Variants in CNTN4 observed in about 807,000 individuals in gnomAD.
CNTN4 encodes the protein contactin-4.
A neutral mutation model predicts 122.5 loss-of-function variants in CNTN4; 77 were observed. The observed-to-expected ratio is 0.63, with a 90% CI of 0.52 to 0.76. CNTN4 has a LOEUF of 0.76. CNTN4 is among the 30% of genes least tolerant of loss of function. The probability of loss-of-function intolerance (pLI) is 0.00; values close to 1 mark genes in which losing one functional copy is unlikely to be tolerated. For synonymous variants in CNTN4, 512 were observed against 447.0 expected (o/e 1.15, Z -1.83); for missense variants, 1,256 against 1,259.1 (o/e 1.00, Z 0.04).
At chr3:2,116,754 T>TC (rs573263589) in intron 2 of CNTN4, among the ~76,000 whole-genome samples, 1 of 152,056 alleles carries the variant, frequency 6.6e-6, no homozygotes, top group Non-Finnish European at 1.5e-5. Flanking sequence ...TGCTTCTCTA[T>TC]CCCCCCTGCC....
intron 14 of CNTN4, among the ~76,000 whole-genome samples, chr3:2,992,857 TGCCACCTAGCAA>T (rs543130962): frequency 6.9e-4 from 105 of 152,188 alleles, no homozygotes; most frequent in Non-Finnish European, 1.4e-3. Flanking sequence ...CGTACATGCA[TGCCACCTAGCAA>T]GTGACAGTTC....
intron 2 of CNTN4, among the ~76,000 whole-genome samples, chr3:2,261,416 G>T (rs908762233): frequency 3.3e-5 from 5 of 152,126 alleles, no homozygotes; most frequent in African/African-American, 9.7e-5. Context: ...TGTCCAGCCA[G>T]CTGGTATTCA....
intron 3 of CNTN4, among the ~76,000 whole-genome samples, chr3:2,508,072 C>G (rs1356032202): frequency 2.6e-5 from 4 of 152,088 alleles, no homozygotes; most frequent in Admixed American, 2.6e-4. Context: ...TGACCCTGGT[C>G]TCTGGGTCAT....
chr3:2,327,575 A>C (rs1386485911), intron 2 of CNTN4, among the ~76,000 whole-genome samples: 1 of 152,178 alleles, frequency 6.6e-6, no homozygotes, highest in African/African-American at 2.4e-5. Context: ...TTCCTTTCAA[A>C]AATGTGTCAT....
At chr3:2,880,206 A>G (rs556179412) in intron 8 of CNTN4, among the ~76,000 whole-genome samples, 1 of 152,360 alleles carries the variant, frequency 6.6e-6, no homozygotes, top group African/African-American at 2.4e-5. Context: ...TGTGATATTT[A>G]TAGACAGAGA....
chr3:2,361,585 A>G (rs2045143306), intron 3 of CNTN4, among the ~76,000 whole-genome samples: 1 of 152,208 alleles, frequency 6.6e-6, no homozygotes, highest in Admixed American at 6.5e-5. Context: ...AAAAGGAGAA[A>G]TTGATCACCT....
chr3:2,978,275 GATA>G (rs1693616737), intron 13 of CNTN4, among the ~76,000 whole-genome samples: 2 of 152,202 alleles, frequency 1.3e-5, no homozygotes, highest in Non-Finnish European at 1.5e-5. Flanking sequence ...TTGAAGAGGG[GATA>G]GATCGTGGCC....
intron 6 of CNTN4, among the ~76,000 whole-genome samples, chr3:2,775,869 A>G (rs2091295910): frequency 6.6e-6 from 1 of 152,110 alleles, no homozygotes; most frequent in Non-Finnish European, 1.5e-5. Flanking sequence ...AACCTTTTAT[A>G]ATATATTCGG....
chr3:2,853,391 C>G (rs2093579488), intron 7 of CNTN4, among the ~76,000 whole-genome samples: 1 of 151,982 alleles, frequency 6.6e-6, no homozygotes, highest in African/African-American at 2.4e-5. Context: ...GCTACAGGTG[C>G]CCACGACCAC....
At chr3:3,035,791 C>G (rs1423541905) in intron 17 of CNTN4, among the ~76,000 whole-genome samples, 2 of 152,152 alleles carry the variant, frequency 1.3e-5, no homozygotes, top group Admixed American at 1.3e-4. Context: ...CTCCTGCGCT[C>G]AAGCAATTCT....
At chr3:2,810,671 C>T (rs2150136449) in intron 6 of CNTN4, among the ~76,000 whole-genome samples, 1 of 152,328 alleles carries the variant, frequency 6.6e-6, no homozygotes, top group South Asian at 2.1e-4. Flanking sequence ...TCAAAACTCA[C>T]ATTTGAAGAC....
intron 12 of CNTN4, among the ~76,000 whole-genome samples, chr3:2,917,180 A>G (rs2094373981): frequency 6.7e-6 from 1 of 150,122 alleles, no homozygotes; most frequent in Non-Finnish European, 1.5e-5. Context: ...GCGCGCCTGC[A>G]ATCGCAGGCA....
intron 2 of CNTN4, among the ~76,000 whole-genome samples, chr3:2,104,356 A>G (rs970843807): frequency 6.6e-6 from 1 of 152,104 alleles, no homozygotes; most frequent in African/African-American, 2.4e-5. Flanking sequence ...AGGGCCTTGT[A>G]ACAGGCTAAC....
chr3:2,130,839 A>G (rs1382200323), intron 2 of CNTN4, among the ~76,000 whole-genome samples: 1 of 152,214 alleles, frequency 6.6e-6, no homozygotes, highest in African/African-American at 2.4e-5. Context: ...GTAGTATGCT[A>G]CTAGTGCTGT....
chr3:2,852,562 G>A (rs1308344494), intron 7 of CNTN4, among the ~76,000 whole-genome samples: 2 of 152,100 alleles, frequency 1.3e-5, no homozygotes, highest in Admixed American at 1.3e-4. Context: ...CTGATTATAA[G>A]TAGCAATTTG....
intron 4 of CNTN4, among the ~76,000 whole-genome samples, chr3:2,625,449 A>G (rs956144922): frequency 6.6e-6 from 1 of 152,200 alleles, no homozygotes; most frequent in African/African-American, 2.4e-5. Flanking sequence ...TTAGCTCTGA[A>G]ATTTCCAGAA....
At chr3:2,103,974 G>C (rs374541348) in intron 2 of CNTN4, among the ~76,000 whole-genome samples, 1 of 152,170 alleles carries the variant, frequency 6.6e-6, no homozygotes, top group African/African-American at 2.4e-5. Context: ...GATAGTTATT[G>C]TTTCAACATT....
At chr3:2,786,565 C>T (rs76416601) in intron 6 of CNTN4, among the ~76,000 whole-genome samples, 6,344 of 152,236 alleles carry the variant, frequency 0.042, 442 homozygotes, top group African/African-American at 0.14. Flanking sequence ...GAGTTTAGAC[C>T]TGAAAGACAA....
At chr3:2,918,353 A>G (rs1433100950) in intron 12 of CNTN4, among the ~76,000 whole-genome samples, 1 of 152,218 alleles carries the variant, frequency 6.6e-6, no homozygotes, top group East Asian at 1.9e-4. Flanking sequence ...GTCCTGGGTC[A>G]GCTGTTGGAC....
Sources: allele counts gnomAD v4.1 joint callset (sites outside exome capture counted in the v4.1 genomes callset), GRCh38; gene constraint gnomAD v4.1.1; transcripts MANE v1.5; gene names NCBI Gene and HGNC (gene_info 2026-07-23, HGNC 2026-07-21).